Variants in GALNT17 observed in about 807,000 individuals in gnomAD.
GALNT17 encodes UDP-GalNAc:polypeptide N-acetylgalactosaminyltransferase-like 3.
A neutral mutation model predicts 63.7 loss-of-function variants in GALNT17; 29 were observed. The observed-to-expected ratio is 0.46, with a 90% CI of 0.34 to 0.62. The LOEUF (loss-of-function observed/expected upper bound fraction) is 0.62, where lower values mean the gene tolerates loss of function less well. Among genes scored for constraint, GALNT17 ranks in the 20% least tolerant of loss-of-function variants. The probability of loss-of-function intolerance (pLI) is 0.01; values close to 1 mark genes in which losing one functional copy is unlikely to be tolerated. For missense variants in GALNT17, 603 were observed against 799.6 expected (o/e 0.75, Z 2.97); for synonymous variants, 305 against 318.3 (o/e 0.96, Z 0.45).
At chr7:71,523,061 A>C (rs1312986386) in intron 5 of GALNT17, among the ~76,000 whole-genome samples, 1 of 152,056 alleles carries the variant, frequency 6.6e-6, no homozygotes, top group South Asian at 2.1e-4. Context: ...AAAAGCTAAA[A>C]CTTAGCCAAA....
chr7:71,677,807 GC>G (rs1292100848), intron 9 of GALNT17, among the ~76,000 whole-genome samples: 1 of 152,062 alleles, frequency 6.6e-6, no homozygotes, highest in Admixed American at 6.6e-5. Context: ...GAGCCACCGT[GC>G]CCGGCCAAGG....
At position 71,329,413 on chromosome 7, in the gene GALNT17, C is replaced by T. The variant is rs1163491152; in HGVS notation, c.239-6137C>T. On this transcript the variant is annotated intron_variant, in intron 1 of 10. Transcript: ENST00000333538. ...TGACCTATATATGTCAGGCTGTAAT[C>T]GTACACTGAGGAACAGCTGTGCCCA... 2.6e-5 allele frequency among the ~76,000 whole-genome samples: 4 copies of T among 152,126 alleles called. No homozygotes were observed. The East Asian group carries it at 5.8e-4, about 22-fold the overall frequency.
intron 1 of GALNT17, among the ~76,000 whole-genome samples, chr7:71,236,636 A>T (rs1789896736): frequency 6.6e-6 from 1 of 151,822 alleles, no homozygotes; most frequent in Non-Finnish European, 1.5e-5. Flanking sequence ...GCTGCCAAAC[A>T]CTCCTGGATC....
At chr7:71,618,934 A>G (rs1003684711) in intron 6 of GALNT17, among the ~76,000 whole-genome samples, 1 of 151,988 alleles carries the variant, frequency 6.6e-6, no homozygotes, top group Non-Finnish European at 1.5e-5. Flanking sequence ...CATGATTTTT[A>G]TTGTTTGAGG....
chr7:71,162,945 A>G (rs1293265124), intron 1 of GALNT17, among the ~76,000 whole-genome samples: 1 of 152,246 alleles, frequency 6.6e-6, no homozygotes, highest in Non-Finnish European at 1.5e-5. Context: ...ACTCTACTGC[A>G]TGGAAGACGC....
intron 1 of GALNT17, among the ~76,000 whole-genome samples, chr7:71,175,429 C>T (rs1420828026): frequency 6.6e-6 from 1 of 152,192 alleles, no homozygotes; most frequent in Non-Finnish European, 1.5e-5. Context: ...ATCTATCTAT[C>T]TTATCTATCT....
chr7:71,476,571 A>G (rs1413148697), intron 5 of GALNT17, among the ~76,000 whole-genome samples: 1 of 151,806 alleles, frequency 6.6e-6, no homozygotes, highest in African/African-American at 2.4e-5. Flanking sequence ...GGAGTGTGGC[A>G]TTCAGCAGCA....
At chr7:71,679,020 C>CA (rs1791195521) in intron 9 of GALNT17, among the ~76,000 whole-genome samples, 1 of 151,498 alleles carries the variant, frequency 6.6e-6, no homozygotes, top group African/African-American at 2.4e-5. Context: ...GGAGCACCAT[C>CA]ACCATCTACG....
Position 71,153,691 on chromosome 7 carries a change from T to C in GALNT17, c.238+20651T>C, listed in dbSNP as rs886462898. Among the ~76,000 whole-genome samples, 13 of 152,104 alleles carry C rather than the reference T, an allele frequency of 8.5e-5. No individual in the cohort carries two copies. In the East Asian group the frequency reaches 2.1e-3, roughly 25 times the overall value. Reference sequence around the variant, plus strand: ...CAGCACTGTGGGAGGCCGAGGCCGGTGGATCATTTGAGGTCAGGAGTTTGA... The same window carrying C: ...CAGCACTGTGGGAGGCCGAGGCCGGCGGATCATTTGAGGTCAGGAGTTTGA... On this transcript the variant is annotated intron_variant, in intron 1 of 10. Coordinates refer to ENST00000333538, the MANE Select transcript of GALNT17 (RefSeq NM_022479.3).
chr7:71,366,673 G>C (rs1318990884), intron 2 of GALNT17, among the ~76,000 whole-genome samples: 2 of 152,134 alleles, frequency 1.3e-5, no homozygotes, highest in Admixed American at 1.3e-4. Context: ...TTTCTTGTGT[G>C]TCCTTCTGCT....
intron 3 of GALNT17, 143 bp downstream of exon 3, chr7:71,388,544 T>G (rs1283251313): frequency 2.8e-6 from 3 of 1,053,392 alleles, no homozygotes; most frequent in South Asian, 1.8e-5. Context: ...TTTCTTTTTT[T>G]GAGATGGAGT....
chr7:71,598,611 G>C (rs1789921925), intron 6 of GALNT17, among the ~76,000 whole-genome samples: 1 of 152,188 alleles, frequency 6.6e-6, no homozygotes, highest in Non-Finnish European at 1.5e-5. Context: ...ATAGGAATGA[G>C]ATGTCTCAAC....
At chr7:71,561,780 G>A (rs1236164861) in intron 5 of GALNT17, among the ~76,000 whole-genome samples, 1 of 151,972 alleles carries the variant, frequency 6.6e-6, no homozygotes, top group Non-Finnish European at 1.5e-5. Flanking sequence ...CCCAACAGGT[G>A]ACTGAGACAG....
chr7:71,159,927 G>C (rs1788309963), intron 1 of GALNT17, among the ~76,000 whole-genome samples: 1 of 151,802 alleles, frequency 6.6e-6, no homozygotes, highest in African/African-American at 2.4e-5. Context: ...GATTACAGGT[G>C]TGCACCACCA....
chr7:71,512,006 G>A (rs970104812), intron 5 of GALNT17, among the ~76,000 whole-genome samples: 6 of 137,150 alleles, frequency 4.4e-5, no homozygotes, highest in African/African-American at 1.7e-4. Flanking sequence ...ACTAATTTGG[G>A]TTCCAGCCTT....
chr7:71,296,768 TA>T (rs1034437809), intron 1 of GALNT17, among the ~76,000 whole-genome samples: 1 of 152,088 alleles, frequency 6.6e-6, no homozygotes, highest in African/African-American at 2.4e-5. Flanking sequence ...ATCCTGTAAG[TA>T]AAGTATGATA....
intron 9 of GALNT17, chr7:71,685,331 A>G (rs1173820893): frequency 6.6e-6 from 1 of 152,108 alleles, no homozygotes; most frequent in Non-Finnish European, 1.5e-5. Flanking sequence ...TAGGGCTTCC[A>G]CTCAGCATCT....
chr7:71,159,998 T>A (rs1788312457), intron 1 of GALNT17, among the ~76,000 whole-genome samples: 1 of 152,142 alleles, frequency 6.6e-6, no homozygotes, highest in Non-Finnish European at 1.5e-5. Context: ...TTGGCCAGGC[T>A]GATCTCGAAC....
intron 1 of GALNT17, among the ~76,000 whole-genome samples, chr7:71,294,254 A>G (rs1054262452): frequency 6.6e-6 from 1 of 151,712 alleles, no homozygotes; most frequent in Non-Finnish European, 1.5e-5. Flanking sequence ...TTGATGTTTT[A>G]TATGATTTTT....
Sources: gnomAD v4.1 joint callset for allele counts (sites outside exome capture counted in the v4.1 genomes callset) on GRCh38, gnomAD v4.1.1 for gene constraint, MANE v1.5 for transcripts, NCBI Gene and HGNC (gene_info 2026-07-23, HGNC 2026-07-21) for gene names.